The following FAT1 variants were observed in gnomAD, a reference collection of about 807,000 sequenced individuals.
FAT1 encodes FAT atypical cadherin 1.
Under a neutral mutation model 329.8 loss-of-function variants are expected in FAT1, and 171 were observed. That is an observed-to-expected ratio of 0.52 (90% CI 0.46 to 0.59). FAT1 has a LOEUF of 0.59. Ranked by LOEUF, FAT1 falls within the 20% of genes least tolerant of loss-of-function variation. The probability of loss-of-function intolerance (pLI) is 0.00; values close to 1 mark genes in which losing one functional copy is unlikely to be tolerated. For missense variants in FAT1, 5,672 were observed against 5,774.4 expected, an observed-to-expected ratio of 0.98 and a Z score of 0.57; for synonymous variants, 2,233 against 2,228.6, an observed-to-expected ratio of 1.00 and a Z score of -0.06.
chr4:186,654,747 C>CA (rs1485714581), intron 3 of FAT1, among the ~76,000 whole-genome samples: 3 of 151,888 alleles, frequency 2.0e-5, no homozygotes, highest in African/African-American at 7.3e-5. Context: ...CCTGCCTCTA[C>CA]AAAAAATATA....
rs1263573818 is a variant in FAT1, at chr4:186,596,487, C to A, written c.13000+53G>T. 16 of 1,551,272 alleles carry A rather than the reference C, an allele frequency of 1.0e-5. No homozygotes were observed. The highest frequency in any genetic ancestry group is 1.3e-5 in the Non-Finnish European group (15 of 1,146,514). ...CATTTTGACTGGACAGAATTTGTAA[C>A]CTCACTGTTTATCTCAAGTGACACT... On this transcript the variant is annotated intron_variant, in intron 25 of 26. Transcript: ENST00000441802. The surrounding 1 kb of genome is among the most constrained non-coding windows in gnomAD (Gnocchi z 4.7).
At chr4:186,654,329 G>A (rs1186559969) in intron 3 of FAT1, among the ~76,000 whole-genome samples, 4 of 152,170 alleles carry the variant, frequency 2.6e-5, no homozygotes, top group Non-Finnish European at 5.9e-5. Context: ...GACTCCTAAC[G>A]AAAGTTCTGT....
At chr4:186,647,692 T>A (rs1480338274) in intron 3 of FAT1, among the ~76,000 whole-genome samples, 1 of 152,132 alleles carries the variant, frequency 6.6e-6, no homozygotes, top group Admixed American at 6.6e-5. Flanking sequence ...TACATACCAT[T>A]TTCACCCGAT....
intron 2 of FAT1, among the ~76,000 whole-genome samples, chr4:186,687,224 C>T (rs1743509072): frequency 1.3e-5 from 2 of 152,138 alleles, no homozygotes; most frequent in South Asian, 4.1e-4. Flanking sequence ...AAACTAACAA[C>T]CACTGTTTCA....
rs2126543954 is a variant in FAT1 at position 186,628,476 on chromosome 4, T to C, written c.4599+12A>G. The C allele has an allele frequency of 1.2e-6, 2 of 1,613,654 alleles. No individual in the cohort carries two copies. The highest frequency in any genetic ancestry group is 1.7e-6 in the Non-Finnish European group (2 of 1,179,650). On this transcript the variant is annotated intron_variant, in intron 8 of 26. Transcript: ENST00000441802. ...GACCAAATGGTGGGAGGAGAGCGGG[T>C]AGAGCGCCTACCATGACCGTGAGGG... is the stretch of plus-strand genomic sequence containing the variant.
intron 2 of FAT1, among the ~76,000 whole-genome samples, chr4:186,692,409 T>C (rs1191427741): frequency 6.6e-6 from 1 of 151,984 alleles, no homozygotes; most frequent in African/African-American, 2.4e-5. Context: ...GCCTCCCGGG[T>C]TCACGCCATT....
intron 7 of FAT1, among the ~76,000 whole-genome samples, chr4:186,630,470 G>A (rs1740533432): frequency 6.6e-6 from 1 of 152,172 alleles, no homozygotes; most frequent in African/African-American, 2.4e-5. Flanking sequence ...ACTGATGTGG[G>A]AGGACTACAC....
chr4:186,597,639 C>T (rs1314156642), intron 24 of FAT1, 43 bp downstream of exon 24: 9 of 1,413,218 alleles, frequency 6.4e-6, no homozygotes, highest in Admixed American at 5.1e-5. Flanking sequence ...CAATATGACG[C>T]TATGAAAAGG....
chr4:186,673,730 A>G (rs1742832220), intron 2 of FAT1, among the ~76,000 whole-genome samples: 1 of 152,192 alleles, frequency 6.6e-6, no homozygotes, highest in South Asian at 2.1e-4. Context: ...TAAGTACATA[A>G]TCAGATTTTA....
intron 26 of FAT1, among the ~76,000 whole-genome samples, chr4:186,593,754 A>G (rs1385349676): frequency 1.3e-5 from 2 of 152,206 alleles, no homozygotes; most frequent in African/African-American, 4.8e-5. Context: ...TGCAGAAGGC[A>G]ATGCAGCCCT....
rs2126447214 is a variant in FAT1 at position 186,606,097 on chromosome 4, G to A, written c.10323C>T (p.Ser3441=). Residue 3441 remains serine, a synonymous_variant, in exon 17 of 27, where the codon TCC becomes TCT. Transcript: ENST00000441802. ...SDVNDNAPVF[S]RGNYSVIIQE... ...GGATAATGACACTGTAGTTTCCCCTGGAGAAGACGGGCGCGTTGTCATTGA... is the reference window on the plus strand; with the variant it reads ...GGATAATGACACTGTAGTTTCCCCTAGAGAAGACGGGCGCGTTGTCATTGA... 1 of 1,612,996 alleles carries A rather than the reference G, an allele frequency of 6.2e-7. No individual in the cohort carries two copies. The highest frequency in any genetic ancestry group is 8.5e-7 in the Non-Finnish European group (1 of 1,179,610).
chr4:186,651,814 C>G (rs1171464892), intron 3 of FAT1, among the ~76,000 whole-genome samples: 1 of 152,196 alleles, frequency 6.6e-6, no homozygotes, highest in African/African-American at 2.4e-5. Flanking sequence ...TCCGCAGCAC[C>G]GCACCGTCTT....
At chr4:186,719,349 C>T (rs530201145) in intron 1 of FAT1, among the ~76,000 whole-genome samples, 5 of 152,262 alleles carry the variant, frequency 3.3e-5, no homozygotes, top group Admixed American at 6.5e-5. Flanking sequence ...AGGTTGAGAA[C>T]GTCTTTAAAA....
intron 3 of FAT1, among the ~76,000 whole-genome samples, chr4:186,641,500 TGTG>T (rs1741093531): frequency 6.6e-6 from 1 of 152,218 alleles, no homozygotes; most frequent in East Asian, 1.9e-4. Flanking sequence ...ATTATTGTAA[TGTG>T]TCCACCAAGA....
chr4:186,644,099 G>C (rs1379638789), intron 3 of FAT1, among the ~76,000 whole-genome samples: 1 of 152,162 alleles, frequency 6.6e-6, no homozygotes, highest in Non-Finnish European at 1.5e-5. Context: ...CATTAACAAA[G>C]CCAGGAGTAG....
chr4:186,682,526 C>CAAAAAAAAAAATAAAAAA (rs1743269069), intron 2 of FAT1, among the ~76,000 whole-genome samples: 1 of 119,706 alleles, frequency 8.4e-6, no homozygotes, highest in Non-Finnish European at 1.6e-5. Flanking sequence ...GACTCTGTCT[C>CAAAAAAAAAAATAAAAAA]AAAAAAAAAA....
At chr4:186,637,542 G>A (rs1248213728) in intron 4 of FAT1, among the ~76,000 whole-genome samples, 7 of 151,824 alleles carry the variant, frequency 4.6e-5, no homozygotes, top group Non-Finnish European at 1.0e-4. Flanking sequence ...TAAGATTTTC[G>A]GTAAAATAAC....
intron 7 of FAT1, among the ~76,000 whole-genome samples, chr4:186,631,497 G>A (rs1251635455): frequency 1.4e-5 from 2 of 141,678 alleles, no homozygotes; most frequent in Admixed American, 7.2e-5. Flanking sequence ...GTAGTGTCTC[G>A]CCTCCCAGCT....
intron 1 of FAT1, among the ~76,000 whole-genome samples, chr4:186,718,356 C>T (rs1461457108): frequency 6.6e-6 from 1 of 152,132 alleles, no homozygotes; most frequent in Non-Finnish European, 1.5e-5. Context: ...TACACACACA[C>T]AGGTTCTTCT....
Sources: gnomAD v4.1 joint callset for allele counts (sites outside exome capture counted in the v4.1 genomes callset) on GRCh38, gnomAD v4.1.1 for gene constraint, Gnocchi (gnomAD v3.1) non-coding constraint, MANE v1.5 for transcripts, NCBI Gene and HGNC (gene_info 2026-07-23, HGNC 2026-07-21) for gene names.